Variants in LGI4 observed in about 807,000 individuals in gnomAD.
The protein encoded by LGI4 is leucine rich repeat LGI family member 4.
Under a neutral mutation model 48.3 loss-of-function variants are expected in LGI4, and 36 were observed. The ratio of observed to expected loss-of-function variants is 0.75; its 90% CI spans 0.57 to 0.98. The LOEUF (loss-of-function observed/expected upper bound fraction) is 0.98. Ranked by LOEUF, LGI4 falls within the 50% of genes least tolerant of loss-of-function variation. The pLI is 0.00. For missense variants in LGI4, 701 were observed against 732.1 expected, an observed-to-expected ratio of 0.96 and a Z score of 0.49; for synonymous variants, 355 against 331.6, an observed-to-expected ratio of 1.07 and a Z score of -0.77.
In LGI4 at chr19:35,134,686, C is replaced by T. The variant is rs2065198030; in HGVS notation, c.-6G>A. 4 of 1,427,312 alleles carry T rather than the reference C, an allele frequency of 2.8e-6. No individual in the cohort carries two copies. Among genetic ancestry groups the T allele is most frequent in the Non-Finnish European group, 3.8e-6 (4 of 1,052,630 alleles). The allele number at this position is 1,427,312 out of a possible 1,614,324, so 88.4% of individuals were successfully genotyped here. On this transcript the variant is annotated 5_prime_UTR_variant, in exon 1 of 9. Coordinates refer to ENST00000310123, the MANE Select transcript of LGI4 (RefSeq NM_139284.3). ...AGAATGCCTGCCCCTCCCATGCCCC[C>T]ACCCCCACTCTGAGGCACCCGCTTC...
Position 35,124,963 on chromosome 19 carries a change from T to A in LGI4, c.*230A>T. 2.5e-6 allele frequency: 1 copy of A among 398,196 alleles called. No individual in the cohort carries two copies. Among genetic ancestry groups the A allele is most frequent in the Non-Finnish European group, 4.5e-6 (1 of 224,422 alleles). 24.7% of individuals were successfully genotyped at this position (398,196 alleles called of 1,614,324 possible). A position where few individuals can be genotyped will look rare whatever the true frequency, so the allele number is the denominator to read the frequency against. On this transcript the variant is annotated 3_prime_UTR_variant, in exon 9 of 9. Coordinates refer to ENST00000310123, the MANE Select transcript of LGI4 (RefSeq NM_139284.3). ...ATCTGCCCCAGCCGAGATGTCCAGA[T>A]GTTGCTTTAGACCTGAAGGGCAGCT...
At chr19:35,132,112 G>A (rs2065180089) in intron 3 of LGI4, 70 bp from the exon 4 acceptor site, 1 of 1,282,236 alleles carries the variant, frequency 7.8e-7, no homozygotes, top group African/African-American at 1.5e-5. Flanking sequence ...GAAAGACATA[G>A]GCCCACTGGA....
At position 35,134,701 on chromosome 19, in the gene LGI4, G is replaced by A; in HGVS notation, c.-21C>T. On this transcript the variant is annotated 5_prime_UTR_variant, in exon 1 of 9. Coordinates refer to ENST00000310123, the MANE Select transcript of LGI4 (RefSeq NM_139284.3). ...CCCATGCCCCCACCCCCACTCTGAG[G>A]CACCCGCTTCTCCCGGCCCACCCAG... The A allele has an allele frequency of 7.4e-7, 1 of 1,345,232 alleles. No individual in the cohort carries two copies. The highest frequency in any genetic ancestry group is 1.0e-6 in the Non-Finnish European group (1 of 988,132). 83.3% of individuals were successfully genotyped at this position (1,345,232 alleles called of 1,614,324 possible).
intron 6 of LGI4, among the ~76,000 whole-genome samples, chr19:35,130,893 G>C (rs547490005): frequency 6.6e-6 from 1 of 152,166 alleles, no homozygotes; most frequent in Non-Finnish European, 1.5e-5. Context: ...TGTCCTGTCT[G>C]GGCCTGCATT....
intron 6 of LGI4, among the ~76,000 whole-genome samples, chr19:35,128,762 A>T (rs1456898799): frequency 6.6e-6 from 1 of 152,170 alleles, no homozygotes; most frequent in African/African-American, 2.4e-5. Context: ...CATGGCCCAG[A>T]ATAAAGTCTC....
intron 2 of LGI4, 106 bp from the exon 3 acceptor site, chr19:35,133,870 G>A (rs2065191741): frequency 2.2e-6 from 3 of 1,350,978 alleles, no homozygotes; most frequent in Admixed American, 2.0e-5. Context: ...ACGCAGGTGT[G>A]AGTATGTGCA....
rs1186738785 is a variant in LGI4, at chr19:35,131,226, C to G, written c.628+160G>C. On this transcript the variant is annotated intron_variant, in intron 6 of 8. Transcript: ENST00000310123. ...CCTATATCACTGTTTATTACCCCCA[C>G]TTTACAGATGAGAAAACTGGGGCTC... is the stretch of plus-strand genomic sequence containing the variant. The G allele has an allele frequency of 4.7e-6, 4 of 843,860 alleles. No individual in the cohort carries two copies. The Admixed American group carries it at 8.0e-5, about 17-fold the overall frequency. 52.3% of individuals were successfully genotyped at this position (843,860 alleles called of 1,614,324 possible).
In LGI4 at chr19:35,126,553, G is replaced by A. The variant is rs963097948; in HGVS notation, c.1016C>T (p.Ala339Val). 6 of 1,540,242 alleles carry A rather than the reference G, an allele frequency of 3.9e-6. No homozygotes were observed. Among genetic ancestry groups the A allele is most frequent in the African/African-American group, 2.7e-5 (2 of 73,498 alleles). Residue 339 changes from alanine to valine, a missense_variant, in exon 8 of 9, where the codon GCG becomes GTG. Coordinates refer to ENST00000310123, the MANE Select transcript of LGI4 (RefSeq NM_139284.3). ...GCGGCACAGCAGCGTGGTGCTGCCCGCCTTGGAGGCATCGGCCACCACGAA... is the reference window on the plus strand; with the variant it reads ...GCGGCACAGCAGCGTGGTGCTGCCCACCTTGGAGGCATCGGCCACCACGAA... ...PCFVVADASK[A>V]GSTTLLCRDG...
At chr19:35,127,894 G>T (rs2065150910) in intron 6 of LGI4, among the ~76,000 whole-genome samples, 1 of 152,206 alleles carries the variant, frequency 6.6e-6, no homozygotes, top group African/African-American at 2.4e-5. Flanking sequence ...GAGAGGATTG[G>T]AGCTGGTCAC....
At position 35,134,930 on chromosome 19, in the gene LGI4, C is replaced by T; in HGVS notation, c.-250G>A. The stretch of plus-strand genomic sequence containing the variant: ...TGTATTTTTGACTCTGTGTGTTAGT[C>T]TGTTTCTATTTCTGTCTTTGTCTCT... On this transcript the variant is annotated 5_prime_UTR_variant, in exon 1 of 9. Coordinates refer to ENST00000310123, the MANE Select transcript of LGI4 (RefSeq NM_139284.3). 1 of 502,120 alleles carries T rather than the reference C, an allele frequency of 2.0e-6. No homozygotes were observed. The highest frequency in any genetic ancestry group is 3.5e-6 in the Non-Finnish European group (1 of 286,552). 31.1% of individuals were successfully genotyped at this position (502,120 alleles called of 1,614,324 possible).
At chr19:35,129,685 A>G (rs979093303) in intron 6 of LGI4, among the ~76,000 whole-genome samples, 3 of 152,148 alleles carry the variant, frequency 2.0e-5, no homozygotes, top group African/African-American at 7.2e-5. Flanking sequence ...AAGCCTGGGT[A>G]TTGTCCAAGG....
In LGI4 at chr19:35,131,500, A is replaced by G; in HGVS notation, c.514T>C (p.Trp172Arg). The G allele has an allele frequency of 6.4e-7, 1 of 1,551,226 alleles. No homozygotes were observed. The highest frequency in any genetic ancestry group is 8.7e-7 in the Non-Finnish European group (1 of 1,146,924). Residue 172 changes from tryptophan (W) to arginine (R), a missense_variant, in exon 6 of 9, where the codon TGG becomes CGG. Physicochemically the swap from Trp to Arg is moderately radical, Grantham distance 101. Coordinates refer to ENST00000310123, the MANE Select transcript of LGI4 (RefSeq NM_139284.3). ...CDCRVLWLLQ[W>R]MPTVNASVGT... The stretch of plus-strand genomic sequence containing the variant: ...ACGCTGGCATTCACGGTGGGCATCC[A>G]CTGCAGGAGCCAGAGGACGCGGCAG...
intron 6 of LGI4, among the ~76,000 whole-genome samples, chr19:35,129,746 C>A (rs1231645180): frequency 3.9e-5 from 6 of 152,106 alleles, no homozygotes; most frequent in Non-Finnish European, 5.9e-5. Flanking sequence ...AAGGGAAAGA[C>A]CTTACTGTCC....
At chr19:35,129,579 A>G (rs1420901491) in intron 6 of LGI4, among the ~76,000 whole-genome samples, 1 of 152,182 alleles carries the variant, frequency 6.6e-6, no homozygotes, top group Non-Finnish European at 1.5e-5. Flanking sequence ...ATGTGTTTGC[A>G]GGCAGTATGC....
At position 35,126,521 on chromosome 19, in the gene LGI4, G is replaced by C. The variant is rs2145359116; in HGVS notation, c.1048C>G (p.Pro350Ala). The C allele has an allele frequency of 6.5e-7, 1 of 1,544,122 alleles. No homozygotes were observed. The highest frequency in any genetic ancestry group is 8.7e-7 in the Non-Finnish European group (1 of 1,149,622). Residue 350 changes from proline to alanine, a missense_variant, in exon 8 of 9, where the codon CCC (proline) becomes GCC (alanine). By Grantham distance (27) the Pro-to-Ala change is conservative. Around this residue, in one of 3 missense-constraint regions of LGI4, gnomAD observed 16 missense variants for 32.5 expected, o/e 0.49. Transcript: ENST00000310123. Reference protein sequence around the residue: ...GSTTLLCRDGPGFYPHQSLHA... With the variant: ...GSTTLLCRDGAGFYPHQSLHA... ...AGGCTCTGGTGCGGGTAAAAGCCGGGCCCGTCGCGGCACAGCAGCGTGGTG... is the reference window on the plus strand; with the variant it reads ...AGGCTCTGGTGCGGGTAAAAGCCGGCCCCGTCGCGGCACAGCAGCGTGGTG...
At chr19:35,128,427 A>C (rs1441509960) in intron 6 of LGI4, among the ~76,000 whole-genome samples, 1 of 152,210 alleles carries the variant, frequency 6.6e-6, no homozygotes, top group Non-Finnish European at 1.5e-5. Flanking sequence ...CAAAACTCTC[A>C]GCCGAGAGTG....
intron 6 of LGI4, among the ~76,000 whole-genome samples, chr19:35,127,374 T>C (rs1158485913): frequency 2.0e-5 from 3 of 151,754 alleles, no homozygotes; most frequent in East Asian, 3.9e-4. Flanking sequence ...AGAGATGGAG[T>C]CTTGCTATGT....
At chr19:35,133,273 T>A (rs778448336) in intron 3 of LGI4, 1 of 959,420 alleles carries the variant, frequency 1.0e-6, no homozygotes, top group Non-Finnish European at 1.3e-6. Flanking sequence ...CACTACCCAA[T>A]CGTCAGCACC....
chr19:35,126,315 A>T lies in LGI4; in HGVS notation c.1254T>A (p.Gly418=). The T allele has an allele frequency of 6.2e-7, 1 of 1,611,806 alleles. No homozygotes were observed. The highest frequency in any genetic ancestry group is 1.1e-5 in the South Asian group (1 of 90,494). Residue 418 remains glycine (G), a synonymous_variant, in exon 8 of 9, where the codon GGT becomes GGA. Coordinates refer to ENST00000310123, the MANE Select transcript of LGI4 (RefSeq NM_139284.3). ...DVYATRHFQA[G]GDVFLCLTRY... is the part of the protein sequence containing the mutation. ...GTGTGAGGCACAGGAACACGTCCCCACCAGCCTGGAAGTGGCGTGTGGCAT... is the reference window on the plus strand; with the variant it reads ...GTGTGAGGCACAGGAACACGTCCCCTCCAGCCTGGAAGTGGCGTGTGGCAT...
Sources: allele counts gnomAD v4.1 joint callset (sites outside exome capture counted in the v4.1 genomes callset), GRCh38; gene constraint gnomAD v4.1.1; regional missense constraint gnomAD v4.1.1; transcripts MANE v1.5; gene names NCBI Gene and HGNC (gene_info 2026-07-23, HGNC 2026-07-21).